Variants in PDXDC1 observed in about 807,000 individuals in gnomAD.
The protein encoded by PDXDC1 is pyridoxal dependent decarboxylase domain containing 1.
Under a neutral mutation model 100.1 loss-of-function variants are expected in PDXDC1, and 42 were observed. The observed-to-expected ratio is 0.42, with a 90% confidence interval of 0.33 to 0.54. PDXDC1 has a LOEUF of 0.54. PDXDC1 is among the 20% of genes least tolerant of loss of function. The probability of loss-of-function intolerance (pLI) is 0.10; values close to 1 mark genes in which losing one functional copy is unlikely to be tolerated. For synonymous variants in PDXDC1, 260 were observed against 371.7 expected (o/e 0.70, Z 3.46); for missense variants, 636 against 979.2 (o/e 0.65, Z 4.68).
chr16:15,125,932 G>A (rs368782392), intron 16 of PDXDC1: 25 of 634,328 alleles, frequency 3.9e-5, no homozygotes, highest in Admixed American at 1.4e-4. Flanking sequence ...CTAGAATGCT[G>A]GATATATGGG....
At chr16:15,097,052 A>G (rs1337108811) in intron 16 of PDXDC1, among the ~76,000 whole-genome samples, 1 of 152,114 alleles carries the variant, frequency 6.6e-6, no homozygotes, top group Non-Finnish European at 1.5e-5. Flanking sequence ...ACTTGAAGCC[A>G]GGAGTTTGAG....
At chr16:15,117,738 AC>A (rs2047290439) in intron 16 of PDXDC1, among the ~76,000 whole-genome samples, 1 of 107,478 alleles carries the variant, frequency 9.3e-6, no homozygotes, top group Non-Finnish European at 1.9e-5. Context: ...TCCAATTTAT[AC>A]CAAAAATTCT....
chr16:15,146,450 G>C, the PDXDC1 span, among the ~76,000 whole-genome samples: 2 of 152,112 alleles, frequency 1.3e-5, no homozygotes, highest in African/African-American at 4.8e-5. Flanking sequence ...GACGATACTC[G>C]CGGCTCTGCC....
intron 1 of PDXDC1, among the ~76,000 whole-genome samples, chr16:14,978,291 T>C (rs1328855789): frequency 1.3e-5 from 2 of 152,300 alleles, no homozygotes; most frequent in Non-Finnish European, 2.9e-5. Flanking sequence ...TCACAGTGTG[T>C]ACTTATGTTA....
Position 15,014,199 on chromosome 16 carries a change from T to G in PDXDC1, c.728-1930T>G, listed in dbSNP as rs2041596653. On this transcript the variant is annotated intron_variant, in intron 8 of 22. Transcript: ENST00000396410. ...TCCGGCCTGGGCAACAGGGTGAGAC[T>G]CTGTCTCAAAAAAAAAAAAAAAAGA... Among the ~76,000 whole-genome samples the G allele has an allele frequency of 2.1e-5, 3 of 144,134 alleles. No individual in the cohort carries two copies. In the East Asian group the frequency reaches 7.0e-4, roughly 33 times the overall value. The allele number at this position is 144,134 out of a possible 152,430, so 94.6% of individuals were successfully genotyped here.
intron 16 of PDXDC1, chr16:15,132,991 T>G (rs939524622): frequency 9.4e-6 from 14 of 1,492,730 alleles, no homozygotes; most frequent in Admixed American, 5.3e-5. Context: ...GATGTGGGCA[T>G]TGACCCGCAA....
downstream of PDXDC1, among the ~76,000 whole-genome samples, chr16:15,042,899 A>ATT (rs1193801850): frequency 9.4e-3 from 1,138 of 121,472 alleles, 11 homozygotes; most frequent in African/African-American, 0.016. Context: ...TGCCCAGCTA[A>ATT]TTTTTTTTTT....
At chr16:15,020,111 C>CAAAAAA (rs56353637) in intron 12 of PDXDC1, among the ~76,000 whole-genome samples, 7 of 90,618 alleles carry the variant, frequency 7.7e-5, no homozygotes, top group African/African-American at 1.1e-4. Flanking sequence ...GGCTCCGTCT[C>CAAAAAA]AAAAAAAAAA....
chr16:15,006,179 G>A (rs1451312946), intron 5 of PDXDC1, among the ~76,000 whole-genome samples: 1 of 152,268 alleles, frequency 6.6e-6, no homozygotes, highest in Admixed American at 6.5e-5. Flanking sequence ...TATGGAATTG[G>A]GTATGGATGG....
intron 16 of PDXDC1, among the ~76,000 whole-genome samples, chr16:15,101,310 T>C (rs1598067219): frequency 1.3e-5 from 2 of 152,322 alleles, no homozygotes; most frequent in South Asian, 4.2e-4. Flanking sequence ...AGGCACGGTC[T>C]TTTTTGTTTG....
At chr16:15,140,979 C>T (rs1192835673), downstream of PDXDC1, among the ~76,000 whole-genome samples, 1 of 152,128 alleles carries the variant, frequency 6.6e-6, no homozygotes, top group Non-Finnish European at 1.5e-5. Context: ...CTCTTCCCAG[C>T]AATGACCACC....
rs1405404192 is a variant in PDXDC1, at chr16:15,008,978, G to A, written c.648+131G>A. 8.7e-6 allele frequency: 8 copies of A among 915,058 alleles called. No individual in the cohort carries two copies. In the East Asian group the frequency reaches 1.5e-4, roughly 17 times the overall value. 56.7% of individuals were successfully genotyped at this position (915,058 alleles called of 1,614,324 possible). Reference sequence around the variant, plus strand: ...TGTATTGCTTGGATCCTTACATTGTGTAATATATGCTTCTGTTAATATGTG... The same window carrying A: ...TGTATTGCTTGGATCCTTACATTGTATAATATATGCTTCTGTTAATATGTG... On this transcript the variant is annotated intron_variant, in intron 7 of 22. Coordinates refer to ENST00000396410, the MANE Select transcript of PDXDC1 (RefSeq NM_015027.4).
At chr16:15,065,924 C>T (rs1286909023) in intron 16 of PDXDC1, among the ~76,000 whole-genome samples, 2 of 151,494 alleles carry the variant, frequency 1.3e-5, no homozygotes, top group African/African-American at 4.9e-5. Context: ...ACTAGGCATG[C>T]CGAGTGAGAA....
intron 16 of PDXDC1, among the ~76,000 whole-genome samples, chr16:15,112,696 GC>G (rs2047119825): frequency 7.1e-6 from 1 of 141,768 alleles, no homozygotes; most frequent in Admixed American, 7.3e-5. Flanking sequence ...AAGGTAGCTG[GC>G]CCAGTTTGGA....
chr16:15,038,354 A>AAAGTTG (rs2151679148), downstream of PDXDC1: 1 of 645,026 alleles, frequency 1.6e-6, no homozygotes, highest in South Asian at 2.2e-5. Context: ...TTAGTAAGAA[A>AAAGTTG]AAAGTTGATT....
At chr16:15,074,204 C>T (rs2045355093) in intron 16 of PDXDC1, among the ~76,000 whole-genome samples, 1 of 152,176 alleles carries the variant, frequency 6.6e-6, no homozygotes, top group Non-Finnish European at 1.5e-5. Flanking sequence ...GCAGTCAACT[C>T]AGATTCCAGT....
intron 8 of PDXDC1, among the ~76,000 whole-genome samples, chr16:15,011,944 G>A (rs548754489): frequency 1.8e-4 from 27 of 152,384 alleles, no homozygotes; most frequent in Admixed American, 1.2e-3. Context: ...GATTACAGGC[G>A]TGAGCCGCCA....
At chr16:15,111,456 CA>C (rs4012875) in intron 16 of PDXDC1, among the ~76,000 whole-genome samples, 69 of 100,446 alleles carry the variant, frequency 6.9e-4, no homozygotes, top group East Asian at 1.4e-3. Context: ...AACTCTGTCT[CA>C]AAAAAAAAAA....
At chr16:15,136,749 C>T (rs2048357878) in intron 16 of PDXDC1, 14 of 1,580,122 alleles carry the variant, frequency 8.9e-6, no homozygotes, top group East Asian at 2.2e-5. Flanking sequence ...GCGGGTGCAC[C>T]GCTGGAGACC....
Sources: gnomAD v4.1 joint callset for allele counts (sites outside exome capture counted in the v4.1 genomes callset) on GRCh38, gnomAD v4.1.1 for gene constraint, MANE v1.5 for transcripts, NCBI Gene and HGNC (gene_info 2026-07-23, HGNC 2026-07-21) for gene names.